The following SUCLG2 variants were observed in gnomAD, a reference collection of about 807,000 sequenced individuals.
SUCLG2 encodes the protein succinate--CoA ligase [GDP-forming] subunit beta, mitochondrial.
A neutral mutation model predicts 47.9 loss-of-function variants in SUCLG2; 42 were observed. That is an observed-to-expected ratio of 0.88 (90% CI 0.69 to 1.14). SUCLG2 has a LOEUF of 1.14. SUCLG2 is among the 50% of genes most tolerant of loss of function. The pLI, the probability that SUCLG2 is intolerant of heterozygous loss-of-function variation, is 0.00. For missense variants in SUCLG2, 571 were observed against 525.9 expected (o/e 1.09, Z -0.84); for synonymous variants, 195 against 197.3 (o/e 0.99, Z 0.10).
chr3:67,466,168 C>A (rs148733942), intron 9 of SUCLG2, among the ~76,000 whole-genome samples: 3,451 of 152,052 alleles, frequency 0.023, 50 homozygotes, highest in African/African-American at 0.036. Flanking sequence ...GCCTGGCCAA[C>A]ATGGTGAAAC....
At chr3:67,393,593 G>A (rs1028982366) in intron 10 of SUCLG2, among the ~76,000 whole-genome samples, 3 of 152,216 alleles carry the variant, frequency 2.0e-5, no homozygotes, top group African/African-American at 7.2e-5. Context: ...TTTGGGGGCA[G>A]GGCACAGACA....
At chr3:67,430,472 G>A (rs1703446120) in intron 9 of SUCLG2, among the ~76,000 whole-genome samples, 1 of 152,148 alleles carries the variant, frequency 6.6e-6, no homozygotes, top group Admixed American at 6.5e-5. Context: ...AAAATTTATA[G>A]CACTAAATGC....
At chr3:67,548,944 C>T (rs533225572) in intron 2 of SUCLG2, among the ~76,000 whole-genome samples, 54 of 152,290 alleles carry the variant, frequency 3.5e-4, no homozygotes, top group African/African-American at 1.1e-3. Flanking sequence ...GCTTGAAACA[C>T]TCCTAAATCA....
At chr3:67,388,279 C>T (rs1191115382) in intron 10 of SUCLG2, among the ~76,000 whole-genome samples, 2 of 152,142 alleles carry the variant, frequency 1.3e-5, no homozygotes, top group South Asian at 2.1e-4. Flanking sequence ...CCTCTCTTAC[C>T]GTAAGAATCT....
chr3:67,399,078 G>A lies in SUCLG2; in HGVS notation c.1183+1653C>T, dbSNP rs563699671. Among the ~76,000 whole-genome samples, 667 of 149,262 alleles carry A rather than the reference G, an allele frequency of 4.5e-3. 4 individuals are homozygous for A. Among genetic ancestry groups the A allele is most frequent in the African/African-American group, 0.016 (624 of 40,206 alleles). ...GGAGATATACCTAATGCTAAATGAC[G>A]AGTTAATCGGTGCAGCACACCAGCA... is the stretch of plus-strand genomic sequence containing the variant. On this transcript the variant is annotated intron_variant, in intron 10 of 10. Transcript: ENST00000307227.
chr3:67,579,542 C>G (rs1707829767), intron 2 of SUCLG2, among the ~76,000 whole-genome samples: 1 of 152,134 alleles, frequency 6.6e-6, no homozygotes, highest in African/African-American at 2.4e-5. Flanking sequence ...TGTTAATAAG[C>G]TTACTGCCAC....
intron 2 of SUCLG2, among the ~76,000 whole-genome samples, chr3:67,564,863 T>C (rs1392338794): frequency 3.3e-5 from 5 of 152,222 alleles, no homozygotes; most frequent in Non-Finnish European, 5.9e-5. Context: ...ATCATATTTT[T>C]AAAATAATTA....
intron 2 of SUCLG2, among the ~76,000 whole-genome samples, chr3:67,589,534 C>A (rs2107273831): frequency 6.6e-6 from 1 of 152,306 alleles, no homozygotes; most frequent in South Asian, 2.1e-4. Context: ...TTAGACTTAA[C>A]CATGGAATGA....
rs1002230845 is a variant in SUCLG2 at position 67,481,317 on chromosome 3, G to C, written c.1062+14481C>G. On this transcript the variant is annotated intron_variant, in intron 9 of 10. Coordinates refer to ENST00000307227, the MANE Select transcript of SUCLG2 (RefSeq NM_003848.4). ...GGCATGGGTCCAACCACACACTTTCGAGCATTACTGCTCTAGACCACGTGG... is the reference window on the plus strand; with the variant it reads ...GGCATGGGTCCAACCACACACTTTCCAGCATTACTGCTCTAGACCACGTGG... Among the ~76,000 whole-genome samples the C allele has an allele frequency of 1.2e-4, 19 of 152,280 alleles. 1 individual carries two copies. In the East Asian group the frequency reaches 3.5e-3, roughly 28 times the overall value.
intron 8 of SUCLG2, 93 bp from the exon 9 acceptor site, chr3:67,496,033 A>T: frequency 6.6e-7 from 1 of 1,506,738 alleles, no homozygotes; most frequent in South Asian, 1.2e-5. Flanking sequence ...CCAAGAGAGA[A>T]CTCTGTCATT....
chr3:67,532,026 TC>T (rs1187525050), intron 2 of SUCLG2, among the ~76,000 whole-genome samples: 1 of 152,032 alleles, frequency 6.6e-6, no homozygotes, highest in Non-Finnish European at 1.5e-5. Context: ...GAAAAAAAAA[TC>T]CCATATATGA....
intron 9 of SUCLG2, among the ~76,000 whole-genome samples, chr3:67,490,519 G>A (rs78438432): frequency 1.2e-4 from 19 of 152,286 alleles, no homozygotes; most frequent in African/African-American, 4.6e-4. Flanking sequence ...TGTCTGAGTA[G>A]AGAATCATTG....
chr3:67,625,048 C>T (rs1200617988), intron 1 of SUCLG2, among the ~76,000 whole-genome samples: 2 of 152,172 alleles, frequency 1.3e-5, no homozygotes, highest in Non-Finnish European at 2.9e-5. Context: ...ACCTAAGAAA[C>T]ATCAAGAAAG....
Position 67,403,885 on chromosome 3 carries a change from G to A in SUCLG2, c.1063-3034C>T, listed in dbSNP as rs139726493. ...GGATCCTCTTATTTCTTCCTTTTTA[G>A]TTTATTTATTTATTTTTTGAGACAC... is the stretch of plus-strand genomic sequence containing the variant. On this transcript the variant is annotated intron_variant, in intron 9 of 10. Transcript: ENST00000307227. 5.8e-3 allele frequency among the ~76,000 whole-genome samples: 889 copies of A among 152,148 alleles called. 10 individuals carry two copies. The highest frequency in any genetic ancestry group is 0.02 in the African/African-American group (841 of 41,524).
chr3:67,518,633 CAGTT>C (rs745888977), intron 5 of SUCLG2, among the ~76,000 whole-genome samples: 1 of 152,186 alleles, frequency 6.6e-6, no homozygotes, highest in African/African-American at 2.4e-5. Context: ...AATATTTAGT[CAGTT>C]AATTTTTTGA....
chr3:67,474,347 T>C (rs928266716), intron 9 of SUCLG2, among the ~76,000 whole-genome samples: 1 of 152,134 alleles, frequency 6.6e-6, no homozygotes, highest in Non-Finnish European at 1.5e-5. Context: ...AAGAGATGAA[T>C]ATTACTGTGA....
chr3:67,408,524 A>C lies in SUCLG2; in HGVS notation c.1063-7673T>G, dbSNP rs550432548. 4 of 710,288 alleles carry C rather than the reference A, an allele frequency of 5.6e-6. No homozygotes were observed. The East Asian group carries it at 4.0e-4, about 71-fold the overall frequency. The allele number at this position is 710,288 out of a possible 1,614,324, so 44.0% of individuals were successfully genotyped here. Reference sequence around the variant, plus strand: ...AGCATGGAAACGACATCTTATGGAGAGATCCTCTGGGGACAGTAACTTGAT... The same window carrying C: ...AGCATGGAAACGACATCTTATGGAGCGATCCTCTGGGGACAGTAACTTGAT... On this transcript the variant is annotated intron_variant, in intron 9 of 10. Transcript: ENST00000307227.
At chr3:67,432,411 T>C (rs1171379395) in intron 9 of SUCLG2, among the ~76,000 whole-genome samples, 1 of 152,210 alleles carries the variant, frequency 6.6e-6, no homozygotes, top group Non-Finnish European at 1.5e-5. Flanking sequence ...TGATTTGAAA[T>C]ACAAAGTCAC....
chr3:67,398,579 T>C (rs981995319), intron 10 of SUCLG2, among the ~76,000 whole-genome samples: 14 of 152,068 alleles, frequency 9.2e-5, no homozygotes, highest in South Asian at 2.1e-4. Context: ...GGTGGGACTG[T>C]AAACTAGTTC....
Sources: allele counts gnomAD v4.1 joint callset (sites outside exome capture counted in the v4.1 genomes callset), GRCh38; gene constraint gnomAD v4.1.1; transcripts MANE v1.5; gene names NCBI Gene and HGNC (gene_info 2026-07-23, HGNC 2026-07-21).